SPRR2G: variants seen among roughly 807,000 people sequenced by gnomAD.
SPRR2G encodes the protein small proline rich protein 2G, also known as small proline-rich protein 2G.
SPRR2G carries 1 observed loss-of-function variant against 0.7 expected under a neutral mutation model. The observed-to-expected ratio is 1.49, with a 90% CI of 0.53 to 7.06. SPRR2G has a LOEUF of 7.06. SPRR2G is among the 30% of genes most tolerant of loss of function. SPRR2G has a pLI of 0.14. For missense variants in SPRR2G, 96 were observed against 88.5 expected, an observed-to-expected ratio of 1.09 and a Z score of -0.34; for synonymous variants, 38 against 33.9, an observed-to-expected ratio of 1.12 and a Z score of -0.42.
the SPRR2G span, among the ~76,000 whole-genome samples, chr1:153,197,132 A>ATGTGTGTGTGTGTGTGTG: frequency 2.0e-4 from 28 of 140,510 alleles, no homozygotes; most frequent in African/African-American, 7.5e-4. Context: ...CAGGCAGAGA[A>ATGTGTGTGTGTGTGTGTG]TGTGTGTGTG....
chr1:153,165,242 G>A, the SPRR2G span, among the ~76,000 whole-genome samples: 2 of 151,998 alleles, frequency 1.3e-5, no homozygotes, highest in African/African-American at 2.4e-5. Context: ...CAAAATATAG[G>A]TGATTCTAAA....
At chr1:153,192,857 A>G in the SPRR2G span, among the ~76,000 whole-genome samples, 1 of 152,170 alleles carries the variant, frequency 6.6e-6, no homozygotes, top group Non-Finnish European at 1.5e-5. Context: ...ACCCCCATCC[A>G]TCATCCACTG....
chr1:153,173,297 C>T, the SPRR2G span, among the ~76,000 whole-genome samples: 1 of 152,190 alleles, frequency 6.6e-6, no homozygotes, highest in African/African-American at 2.4e-5. Flanking sequence ...TATTCGATTA[C>T]TCCCTGGCTG....
At chr1:153,160,151 T>G in the SPRR2G span, among the ~76,000 whole-genome samples, 9 of 152,014 alleles carry the variant, frequency 5.9e-5, no homozygotes, top group African/African-American at 2.2e-4. Context: ...AATAGAATCA[T>G]GCAGTATTTT....
chr1:153,194,234 G>A, the SPRR2G span, among the ~76,000 whole-genome samples: 1 of 152,124 alleles, frequency 6.6e-6, no homozygotes, highest in Admixed American at 6.5e-5. Flanking sequence ...AGATGAAGAA[G>A]AGAAACAGTC....
chr1:153,173,940 C>A, the SPRR2G span, among the ~76,000 whole-genome samples: 1 of 152,198 alleles, frequency 6.6e-6, no homozygotes, highest in East Asian at 1.9e-4. Context: ...AGGAAAGATT[C>A]ACTCAGTAAT....
the SPRR2G span, among the ~76,000 whole-genome samples, chr1:153,173,872 C>A: frequency 6.6e-6 from 1 of 152,286 alleles, no homozygotes; most frequent in East Asian, 1.9e-4. Flanking sequence ...ACTCTTCCAC[C>A]TGCTCATGGA....
chr1:153,169,151 G>T, the SPRR2G span, among the ~76,000 whole-genome samples: 2 of 152,186 alleles, frequency 1.3e-5, no homozygotes, highest in East Asian at 1.9e-4. Context: ...TTCCCTCAGG[G>T]TTAAACAGAA....
the SPRR2G span, among the ~76,000 whole-genome samples, chr1:153,195,740 C>G: frequency 6.6e-6 from 1 of 152,200 alleles, no homozygotes; most frequent in Non-Finnish European, 1.5e-5. Flanking sequence ...TCAGTCTGCT[C>G]CTAAGCCTGT....
At chr1:153,190,506 G>C in the SPRR2G span, 1 of 152,260 alleles carries the variant, frequency 6.6e-6, no homozygotes, top group African/African-American at 2.4e-5. Flanking sequence ...AGAGTGCCAC[G>C]TTTTCAAACC....
the SPRR2G span, among the ~76,000 whole-genome samples, chr1:153,192,132 T>C: frequency 8.8e-3 from 1,337 of 152,284 alleles, 15 homozygotes; most frequent in African/African-American, 0.03. Flanking sequence ...GGGCTTCTAT[T>C]AGGCACAGAG....
At chr1:153,197,295 C>T in the SPRR2G span, among the ~76,000 whole-genome samples, 1 of 151,904 alleles carries the variant, frequency 6.6e-6, no homozygotes, top group East Asian at 1.9e-4. Context: ...GATCAGATGG[C>T]GGCTGTATCC....
chr1:153,197,174 G>GTT, the SPRR2G span, among the ~76,000 whole-genome samples: 1 of 144,240 alleles, frequency 6.9e-6, no homozygotes, highest in African/African-American at 2.6e-5. Context: ...GTGTGTGTGT[G>GTT]TGTGTATGTT....
chr1:153,177,857 A>G, the SPRR2G span, among the ~76,000 whole-genome samples: 18 of 151,850 alleles, frequency 1.2e-4, no homozygotes, highest in African/African-American at 4.1e-4. Flanking sequence ...AATTTGGTCC[A>G]TTAAGTCCTC....
At chr1:153,166,997 G>C in the SPRR2G span, among the ~76,000 whole-genome samples, 3 of 152,086 alleles carry the variant, frequency 2.0e-5, no homozygotes, top group African/African-American at 7.2e-5. Context: ...GGAGAAGAGG[G>C]GCCGAGATCC....
At chr1:153,193,888 T>A in the SPRR2G span, among the ~76,000 whole-genome samples, 2 of 152,102 alleles carry the variant, frequency 1.3e-5, no homozygotes, top group East Asian at 3.9e-4. Flanking sequence ...CCTCCTCAGG[T>A]CTATGAGGGC....
the SPRR2G span, among the ~76,000 whole-genome samples, chr1:153,189,480 T>C: frequency 1.3e-5 from 2 of 151,994 alleles, no homozygotes; most frequent in South Asian, 2.1e-4. Flanking sequence ...ATTAGAAACA[T>C]TTAATGAACT....
At chr1:153,161,044 G>A in the SPRR2G span, among the ~76,000 whole-genome samples, 7 of 145,738 alleles carry the variant, frequency 4.8e-5, no homozygotes, top group South Asian at 1.6e-3. Flanking sequence ...TGAACAACGA[G>A]AACACATGGA....
At chr1:153,187,143 A>C in the SPRR2G span, among the ~76,000 whole-genome samples, 1 of 151,922 alleles carries the variant, frequency 6.6e-6, no homozygotes, top group Admixed American at 6.6e-5. Flanking sequence ...TTTTTATTTC[A>C]TTTCAACCTT....
Sources: allele counts gnomAD v4.1 joint callset (sites outside exome capture counted in the v4.1 genomes callset), GRCh38; gene constraint gnomAD v4.1.1; transcripts MANE v1.5; gene names NCBI Gene and HGNC (gene_info 2026-07-23, HGNC 2026-07-21).